The following SIMC1 variants were observed in gnomAD, a reference collection of about 807,000 sequenced individuals.
The protein encoded by SIMC1 is SUMO interacting motifs containing 1.
SIMC1 carries 55 observed loss-of-function variants against 82.3 expected under a neutral mutation model. The observed-to-expected ratio is 0.67, with a 90% confidence interval of 0.54 to 0.84. The LOEUF (loss-of-function observed/expected upper bound fraction) is 0.84. Among genes scored for constraint, SIMC1 ranks in the 40% least tolerant of loss-of-function variants. The pLI, the probability that SIMC1 is intolerant of heterozygous loss-of-function variation, is 0.00. For synonymous variants in SIMC1, 353 were observed against 426.3 expected (o/e 0.83, Z 2.12); for missense variants, 915 against 1,107.2 (o/e 0.83, Z 2.46).
chr5:176,274,252 C>A (rs1762580926), intron 1 of SIMC1, among the ~76,000 whole-genome samples: 1 of 133,046 alleles, frequency 7.5e-6, no homozygotes, highest in Admixed American at 7.8e-5. Context: ...TCTCTGATGG[C>A]CAGTGATGAT....
chr5:176,302,826 T>C (rs182777183), intron 4 of SIMC1, among the ~76,000 whole-genome samples: 1 of 152,122 alleles, frequency 6.6e-6, no homozygotes, highest in East Asian at 1.9e-4. Context: ...AAGAATAAAA[T>C]ACTCAGGCAT....
chr5:176,298,659 A>G (rs1763919826), intron 4 of SIMC1, among the ~76,000 whole-genome samples: 1 of 152,226 alleles, frequency 6.6e-6, no homozygotes, highest in African/African-American at 2.4e-5. Context: ...TACAGTATAT[A>G]AAGATCTAAC....
chr5:176,306,319 C>T (rs1764381931), intron 4 of SIMC1, among the ~76,000 whole-genome samples: 3 of 141,854 alleles, frequency 2.1e-5, no homozygotes, highest in Non-Finnish European at 3.2e-5. Context: ...CGGCCAGCCG[C>T]CCCATCCGGG....
chr5:176,291,159 C>CTTTTTTTT (rs1173030195), intron 2 of SIMC1, among the ~76,000 whole-genome samples: 12 of 88,494 alleles, frequency 1.4e-4, no homozygotes, highest in African/African-American at 1.8e-4. Context: ...TGTCACTTTA[C>CTTTTTTTT]TTTTTTTTTT....
chr5:176,296,322 T>A lies in SIMC1; in HGVS notation c.1734+2T>A. 1.2e-6 allele frequency: 2 copies of A among 1,612,892 alleles called. No individual in the cohort carries two copies. The highest frequency in any genetic ancestry group is 1.7e-6 in the Non-Finnish European group (2 of 1,179,356). ...CTCACCTATGTCATGGAGGAAGAGG[T>A]AACAACAATTATAAGATTATATCTT... On this transcript the variant is annotated splice_donor_variant, in intron 4 of 9. Coordinates refer to ENST00000429602, the MANE Select transcript of SIMC1 (RefSeq NM_001308195.2). LOFTEE classifies it high-confidence loss of function.
chr5:176,338,293 T>G (rs143510829), intron 9 of SIMC1, among the ~76,000 whole-genome samples: 4 of 152,226 alleles, frequency 2.6e-5, no homozygotes, highest in Non-Finnish European at 5.9e-5. Flanking sequence ...AAATACTACA[T>G]ACAAGGCATG....
At chr5:176,300,037 A>T (rs1174743942) in intron 4 of SIMC1, among the ~76,000 whole-genome samples, 1 of 152,246 alleles carries the variant, frequency 6.6e-6, no homozygotes, top group Non-Finnish European at 1.5e-5. Context: ...AGAGAAAAAA[A>T]ATCTCATGGG....
At chr5:176,252,701 G>A (rs1482779924) in intron 1 of SIMC1, among the ~76,000 whole-genome samples, 7 of 151,700 alleles carry the variant, frequency 4.6e-5, no homozygotes, top group Admixed American at 1.3e-4. Flanking sequence ...GACGATGGGC[G>A]GCCAGGCAGA....
chr5:176,340,084 A>G (rs571301830), intron 9 of SIMC1, among the ~76,000 whole-genome samples: 26 of 152,322 alleles, frequency 1.7e-4, no homozygotes, highest in Admixed American at 2.6e-4. Flanking sequence ...TGTTTAGGGG[A>G]ACTCTCAGCA....
intron 9 of SIMC1, among the ~76,000 whole-genome samples, chr5:176,344,897 T>A (rs572167616): frequency 1.3e-5 from 2 of 152,330 alleles, no homozygotes; most frequent in South Asian, 2.1e-4. Flanking sequence ...GTCTAATTGT[T>A]TCCTCAGTAT....
At chr5:176,274,065 C>T (rs1307833287) in intron 1 of SIMC1, among the ~76,000 whole-genome samples, 2 of 148,622 alleles carry the variant, frequency 1.3e-5, no homozygotes, top group Non-Finnish European at 3.0e-5. Context: ...TTCTAGATCC[C>T]TGAGGAATCG....
intron 1 of SIMC1, among the ~76,000 whole-genome samples, chr5:176,283,721 C>G (rs1763126998): frequency 6.6e-6 from 1 of 152,136 alleles, no homozygotes; most frequent in South Asian, 2.1e-4. Context: ...TTAAAAGACA[C>G]AGACTGGCAA....
chr5:176,253,720 ATAGGTGTTTCC>A (rs1761765228), intron 1 of SIMC1, among the ~76,000 whole-genome samples: 1 of 152,218 alleles, frequency 6.6e-6, no homozygotes, highest in African/African-American at 2.4e-5. Context: ...TATCAGTTCC[ATAGGTGTTTCC>A]TATCACCTCA....
chr5:176,313,038 G>C (rs1046709904), intron 4 of SIMC1: 1 of 171,136 alleles, frequency 5.8e-6, no homozygotes, highest in African/African-American at 2.4e-5. Context: ...ACTGAATGCT[G>C]CGTGCCTCCA....
chr5:176,274,325 G>A, intron 1 of SIMC1, among the ~76,000 whole-genome samples: 1 of 148,198 alleles, frequency 6.7e-6, no homozygotes, highest in Non-Finnish European at 1.5e-5. Context: ...GTCTGTTCAT[G>A]TCCTTCGCCC....
In SIMC1 at chr5:176,324,803, CAAAA is replaced by C. The variant is rs756275925; in HGVS notation, c.2171+51_2171+54del. On this transcript the variant is annotated intron_variant, in intron 7 of 9. Transcript: ENST00000429602. ...GGAGAGCAGTTATTTAAAAAAAAAA[CAAAA>C]AAAACTCTTGGAAATCATTTTTATT... 4.1e-5 allele frequency: 60 copies of C among 1,468,134 alleles called. No individual in the cohort carries two copies. In the South Asian group the frequency reaches 7.5e-4, roughly 18 times the overall value. 90.9% of individuals were successfully genotyped at this position (1,468,134 alleles called of 1,614,324 possible).
rs1251461649 is a variant in SIMC1, at chr5:176,282,288, C to T, written c.130-7366C>T. On this transcript the variant is annotated intron_variant, in intron 1 of 9. Transcript: ENST00000429602. ...CCCTTTTTTAAGCCCGTCGGAAAAG[C>T]GCAGTATTAGGGTGGGAGTGATCCG... Among the ~76,000 whole-genome samples, 10 of 152,342 alleles carry T rather than the reference C, an allele frequency of 6.6e-5. No homozygotes were observed. The East Asian group carries it at 1.9e-3, about 29-fold the overall frequency.
chr5:176,308,373 G>A, intron 4 of SIMC1: 1 of 1,574,186 alleles, frequency 6.4e-7, no homozygotes, highest in South Asian at 1.1e-5. Flanking sequence ...TTCAACAGAG[G>A]CAGAGAAGTT....
chr5:176,277,831 A>G (rs989014156), intron 1 of SIMC1, among the ~76,000 whole-genome samples: 3 of 151,750 alleles, frequency 2.0e-5, no homozygotes, highest in Non-Finnish European at 4.4e-5. Context: ...TACCAGTACC[A>G]TGCTGTTTTG....
Sources: allele counts gnomAD v4.1 joint callset (sites outside exome capture counted in the v4.1 genomes callset), GRCh38; gene constraint gnomAD v4.1.1; transcripts MANE v1.5; gene names NCBI Gene and HGNC (gene_info 2026-07-23, HGNC 2026-07-21).